Variants in SYTL3 observed in about 807,000 individuals in gnomAD.
SYTL3 encodes the protein synaptotagmin like 3.
SYTL3 carries 88 observed loss-of-function variants against 82.1 expected under a neutral mutation model. The observed-to-expected ratio is 1.07, with a 90% CI of 0.90 to 1.28. The LOEUF (loss-of-function observed/expected upper bound fraction) is 1.28, where lower values mean the gene tolerates loss of function less well. Ranked by LOEUF, SYTL3 falls within the 50% of genes most tolerant of loss-of-function variation. The pLI is 0.00. For missense variants in SYTL3, 831 were observed against 757.6 expected (o/e 1.10, Z -1.14); for synonymous variants, 311 against 289.4 (o/e 1.07, Z -0.76).
intron 6 of SYTL3, among the ~76,000 whole-genome samples, chr6:158,704,402 C>T (rs561961890): frequency 5.0e-4 from 76 of 152,344 alleles, no homozygotes; most frequent in Middle Eastern, 3.4e-3. Flanking sequence ...CGCGCACGCC[C>T]GGTCCGTGCA....
intron 5 of SYTL3, among the ~76,000 whole-genome samples, chr6:158,682,299 T>C (rs1010981114): frequency 3.3e-5 from 5 of 151,914 alleles, no homozygotes; most frequent in Admixed American, 1.3e-4. Context: ...GTTCACAAAA[T>C]ATTAAGTACT....
At chr6:158,756,224 G>A (rs1180678031) in intron 13 of SYTL3, among the ~76,000 whole-genome samples, 1 of 152,200 alleles carries the variant, frequency 6.6e-6, no homozygotes, top group Non-Finnish European at 1.5e-5. Context: ...TGCTTGGCTG[G>A]GGAATGGGTT....
intron 6 of SYTL3, among the ~76,000 whole-genome samples, chr6:158,699,690 G>A (rs138516080): frequency 0.029 from 4,452 of 152,062 alleles, 252 homozygotes; most frequent in African/African-American, 0.1. Flanking sequence ...GCTCATGCTT[G>A]TAATCCCGGC....
chr6:158,696,939 A>C (rs987266342), intron 6 of SYTL3, among the ~76,000 whole-genome samples: 1 of 151,964 alleles, frequency 6.6e-6, no homozygotes, highest in African/African-American at 2.4e-5. Context: ...TAGTTTTTTC[A>C]ACAAATGGCA....
intron 5 of SYTL3, among the ~76,000 whole-genome samples, chr6:158,670,752 A>C (rs751711515): frequency 2.0e-5 from 3 of 152,142 alleles, no homozygotes; most frequent in Non-Finnish European, 4.4e-5. Context: ...AATGCCCTCC[A>C]AGCTAGGCGA....
chr6:158,740,008 T>C (rs993185072), intron 11 of SYTL3, among the ~76,000 whole-genome samples: 2 of 147,332 alleles, frequency 1.4e-5, no homozygotes, highest in Admixed American at 6.7e-5. Flanking sequence ...TTTTTTTTTT[T>C]TTTTTTGAGT....
In SYTL3 at chr6:158,682,230, C is replaced by T. The variant is rs567896921; in HGVS notation, c.330-695C>T. 2.6e-5 allele frequency among the ~76,000 whole-genome samples: 4 copies of T among 151,890 alleles called. No homozygotes were observed. The South Asian group carries it at 6.2e-4, about 24-fold the overall frequency. The stretch of plus-strand genomic sequence containing the variant: ...CTGGGATTACAGGCGTGAGCCACCG[C>T]GCCTGGCTGATACATTGGTCATTTT... On this transcript the variant is annotated intron_variant, in intron 5 of 17. Transcript: ENST00000611299.
At chr6:158,762,223 C>T (rs181484472) in intron 16 of SYTL3, 45 bp downstream of exon 16, 1 of 1,372,476 alleles carries the variant, frequency 7.3e-7, no homozygotes, top group East Asian at 2.3e-5. Flanking sequence ...ATCTAGTATA[C>T]ATCACAACAT....
intron 11 of SYTL3, among the ~76,000 whole-genome samples, chr6:158,743,381 T>C (rs1029360416): frequency 6.6e-6 from 1 of 152,234 alleles, no homozygotes; most frequent in Non-Finnish European, 1.5e-5. Context: ...TTCAGCTTTC[T>C]AATTGTTCTC....
chr6:158,744,304 C>CTTTTTTTTTTTTTTTTTTT (rs869182913), intron 11 of SYTL3, among the ~76,000 whole-genome samples: 1 of 99,208 alleles, frequency 1.0e-5, no homozygotes, highest in Non-Finnish European at 1.9e-5. Flanking sequence ...CTTTTTCTTT[C>CTTTTTTTTTTTTTTTTTTT]TTTTTTTTTT....
chr6:158,717,810 C>T (rs1783598968), intron 9 of SYTL3, among the ~76,000 whole-genome samples: 1 of 152,130 alleles, frequency 6.6e-6, no homozygotes, highest in African/African-American at 2.4e-5. Context: ...TGGATGATTT[C>T]CCTTCACCTC....
intron 13 of SYTL3, among the ~76,000 whole-genome samples, chr6:158,752,953 G>A (rs984918712): frequency 6.6e-6 from 1 of 152,086 alleles, no homozygotes; most frequent in Non-Finnish European, 1.5e-5. Context: ...ATTTACCCAC[G>A]GGGAAACTGA....
At chr6:158,685,362 C>T (rs530545771) in intron 6 of SYTL3, among the ~76,000 whole-genome samples, 45 of 151,972 alleles carry the variant, frequency 3.0e-4, no homozygotes, top group African/African-American at 7.2e-4. Context: ...TACAGGCACA[C>T]GCCCCATGTC....
At chr6:158,751,357 A>G (rs1037806776) in intron 12 of SYTL3, among the ~76,000 whole-genome samples, 1 of 152,110 alleles carries the variant, frequency 6.6e-6, no homozygotes, top group Non-Finnish European at 1.5e-5. Context: ...ACAGGACAGG[A>G]CATGTCTTCC....
intron 6 of SYTL3, 80 bp from the exon 7 acceptor site, chr6:158,707,150 T>A (rs1026609068): frequency 1.4e-6 from 2 of 1,382,590 alleles, no homozygotes; most frequent in African/African-American, 2.9e-5. Flanking sequence ...AGAAAATAAT[T>A]TTAATCTACT....
intron 10 of SYTL3, 127 bp from the exon 11 acceptor site, chr6:158,725,376 G>T (rs1583383514): frequency 1.0e-6 from 1 of 985,736 alleles, no homozygotes; most frequent in East Asian, 2.4e-5. Flanking sequence ...ATGCAGGTGT[G>T]TCCTCCTACT....
At chr6:158,756,923 G>A (rs112522003) in intron 13 of SYTL3, among the ~76,000 whole-genome samples, 128 of 151,646 alleles carry the variant, frequency 8.4e-4, no homozygotes, top group African/African-American at 2.8e-3. Flanking sequence ...GAGGCTACCA[G>A]GGCTACCCTT....
At chr6:158,677,757 A>G (rs1778230809) in intron 5 of SYTL3, among the ~76,000 whole-genome samples, 1 of 151,852 alleles carries the variant, frequency 6.6e-6, no homozygotes, top group Non-Finnish European at 1.5e-5. Flanking sequence ...AAAAATAAAA[A>G]TCCAACTGTA....
chr6:158,725,028 A>G (rs1583381427), intron 10 of SYTL3, among the ~76,000 whole-genome samples: 1 of 152,322 alleles, frequency 6.6e-6, no homozygotes, highest in East Asian at 1.9e-4. Context: ...TCTCAAAAAA[A>G]GAAAGAAAAA....
Sources: allele counts gnomAD v4.1 joint callset (sites outside exome capture counted in the v4.1 genomes callset), GRCh38; gene constraint gnomAD v4.1.1; transcripts MANE v1.5; gene names NCBI Gene and HGNC (gene_info 2026-07-23, HGNC 2026-07-21).